Variants in TACC2 observed in about 807,000 individuals in gnomAD.
TACC2 encodes transforming acidic coiled-coil-containing protein 2.
TACC2 carries 137 observed loss-of-function variants against 227.3 expected under a neutral mutation model. The ratio of observed to expected loss-of-function variants is 0.60; its 90% CI spans 0.52 to 0.69. TACC2 has a LOEUF of 0.69. Among genes scored for constraint, TACC2 ranks in the 30% least tolerant of loss-of-function variants. The probability of loss-of-function intolerance (pLI) is 0.00; values close to 1 mark genes in which losing one functional copy is unlikely to be tolerated. For synonymous variants in TACC2, 1,523 were observed against 1,487.5 expected (o/e 1.02, Z -0.55); for missense variants, 3,470 against 3,694.4 (o/e 0.94, Z 1.57).
chr10:122,116,215 C>T (rs1035031069), intron 5 of TACC2, among the ~76,000 whole-genome samples: 2 of 152,136 alleles, frequency 1.3e-5, no homozygotes, highest in African/African-American at 4.8e-5. Context: ...TGAAATTCTC[C>T]AGGGAATGTA....
rs536406037 is a variant in TACC2 at position 122,010,939 on chromosome 10, C to A, written c.-45-10998C>A. On this transcript the variant is annotated intron_variant, in intron 1 of 22. Transcript: ENST00000369005. ...TGGTTCTCTTGGTCTCAGCTGAGAT[C>A]CCTCATGTGTCGGTGTTCAGCTGTG... Among the ~76,000 whole-genome samples, 3 of 152,314 alleles carry A rather than the reference C, an allele frequency of 2.0e-5. No homozygotes were observed. The East Asian group carries it at 5.8e-4, about 29-fold the overall frequency.
intron 11 of TACC2, among the ~76,000 whole-genome samples, chr10:122,217,452 T>C (rs2141158910): frequency 6.8e-6 from 1 of 146,534 alleles, no homozygotes; most frequent in Middle Eastern, 3.5e-3. Flanking sequence ...TTTTTTTTTT[T>C]TTTTTTGAGA....
intron 2 of TACC2, among the ~76,000 whole-genome samples, chr10:122,043,579 C>T (rs56229418): frequency 9.5e-5 from 1 of 10,536 alleles, no homozygotes; most frequent in Non-Finnish European, 2.6e-4. Flanking sequence ...TTTCTTTCTT[C>T]CTTTCTTCCT....
intron 7 of TACC2, among the ~76,000 whole-genome samples, chr10:122,159,202 G>A (rs774898767): frequency 3.3e-4 from 51 of 152,334 alleles, no homozygotes; most frequent in Non-Finnish European, 5.7e-4. Flanking sequence ...GGACCTGGCC[G>A]TGCTCCAATG....
intron 8 of TACC2, among the ~76,000 whole-genome samples, chr10:122,204,247 A>G (rs1414152771): frequency 1.3e-5 from 2 of 152,068 alleles, no homozygotes; most frequent in Non-Finnish European, 1.5e-5. Context: ...TAAAGAAAGC[A>G]CTTTTCCAGA....
rs115763605 is a variant in TACC2 at position 122,160,094 on chromosome 10, A to G, written c.5834+16388A>G. Among the ~76,000 whole-genome samples the G allele has an allele frequency of 5.2e-3, 798 of 152,362 alleles. 9 individuals carry two copies. The highest frequency in any genetic ancestry group is 0.018 in the African/African-American group (747 of 41,582). ...ATCTTTCTGGTAGGTGTCACAAAGTAATGTGAGAATAAGCTGGTTTCCACT... is the reference window on the plus strand; with the variant it reads ...ATCTTTCTGGTAGGTGTCACAAAGTGATGTGAGAATAAGCTGGTTTCCACT... On this transcript the variant is annotated intron_variant, in intron 7 of 22. Coordinates refer to ENST00000369005, the MANE Select transcript of TACC2 (RefSeq NM_206862.4).
At chr10:122,220,317 A>T (rs1477398701) in intron 11 of TACC2, among the ~76,000 whole-genome samples, 1 of 152,242 alleles carries the variant, frequency 6.6e-6, no homozygotes, top group Non-Finnish European at 1.5e-5. Context: ...AAATATGTAA[A>T]TATATGGGTT....
intron 7 of TACC2, among the ~76,000 whole-genome samples, chr10:122,193,512 G>A (rs542832242): frequency 3.9e-5 from 6 of 152,202 alleles, no homozygotes; most frequent in Non-Finnish European, 7.4e-5. Context: ...TGGGTTGCAC[G>A]GCTCGGTGAC....
chr10:122,133,068 G>A (rs191983667), intron 6 of TACC2, among the ~76,000 whole-genome samples: 2 of 152,154 alleles, frequency 1.3e-5, no homozygotes, highest in Admixed American at 1.3e-4. Flanking sequence ...TAGAGAGAAC[G>A]TGCTACTTCT....
At chr10:122,152,686 G>A (rs1390349006) in intron 7 of TACC2, among the ~76,000 whole-genome samples, 1 of 152,240 alleles carries the variant, frequency 6.6e-6, no homozygotes, top group African/African-American at 2.4e-5. Context: ...TGCCAACACA[G>A]CCTGAGACAT....
At chr10:122,027,248 A>G (rs964203176) in intron 2 of TACC2, among the ~76,000 whole-genome samples, 1 of 152,152 alleles carries the variant, frequency 6.6e-6, no homozygotes, top group African/African-American at 2.4e-5. Flanking sequence ...TGCCATCTGT[A>G]TATCTCATTT....
At chr10:122,036,543 A>C in intron 2 of TACC2, among the ~76,000 whole-genome samples, 1 of 142,126 alleles carries the variant, frequency 7.0e-6, no homozygotes, top group African/African-American at 2.6e-5. Flanking sequence ...TCTGTTACCC[A>C]GGCTGGAGTG....
At chr10:122,044,117 A>G (rs1309301707) in intron 2 of TACC2, among the ~76,000 whole-genome samples, 1 of 152,120 alleles carries the variant, frequency 6.6e-6, no homozygotes, top group African/African-American at 2.4e-5. Context: ...AAGAGTGAGG[A>G]CTCAAACCCA....
At chr10:122,147,612 T>C (rs1261344538) in intron 7 of TACC2, among the ~76,000 whole-genome samples, 1 of 152,260 alleles carries the variant, frequency 6.6e-6, no homozygotes, top group Non-Finnish European at 1.5e-5. Context: ...CTTCATTTAT[T>C]AATTGATTCA....
chr10:122,085,224 C>T lies in TACC2; in HGVS notation c.2724C>T (p.Gly908=). Residue 908 remains glycine, a synonymous_variant, in exon 4 of 23, where the codon GGC becomes GGT. Coordinates refer to ENST00000369005, the MANE Select transcript of TACC2 (RefSeq NM_206862.4). ...AACTTCAAAGTCAGCTCCCCAAAGG[C>T]ACCCTGTCTGATACTCCAACTTCAT... is the stretch of plus-strand genomic sequence containing the variant. The part of the protein sequence containing the change: ...GSELQSQLPK[G]TLSDTPTSSP... 6.2e-7 allele frequency: 1 copy of T among 1,614,088 alleles called. No homozygotes were observed.
intron 1 of TACC2, among the ~76,000 whole-genome samples, chr10:122,003,179 T>C (rs1048162642): frequency 6.6e-6 from 1 of 152,064 alleles, no homozygotes; most frequent in Non-Finnish European, 1.5e-5. Context: ...CTCCCTAGCC[T>C]AGACGACAAA....
intron 4 of TACC2, among the ~76,000 whole-genome samples, chr10:122,088,252 CTAT>C (rs1306211980): frequency 1.3e-5 from 2 of 152,022 alleles, no homozygotes; most frequent in African/African-American, 4.8e-5. Flanking sequence ...TGGCTGTGTA[CTAT>C]TAAGTGATAG....
At chr10:122,004,560 G>A (rs1954828044) in intron 1 of TACC2, among the ~76,000 whole-genome samples, 1 of 152,080 alleles carries the variant, frequency 6.6e-6, no homozygotes, top group Non-Finnish European at 1.5e-5. Context: ...ACCTAGACCA[G>A]TGACTCCTCT....
In TACC2 at chr10:122,194,670, G is replaced by A. The variant is rs187878414; in HGVS notation, c.5835-370G>A. On this transcript the variant is annotated intron_variant, in intron 7 of 22. Transcript: ENST00000369005. The surrounding 1 kb of genome is among the most constrained non-coding windows in gnomAD (Gnocchi z 4.4). Reference sequence around the variant, plus strand: ...GAGGATGATGGGGTGGGATCATGTGGGTGAGTTGGCACAATGGCATCGAAC... The same window carrying A: ...GAGGATGATGGGGTGGGATCATGTGAGTGAGTTGGCACAATGGCATCGAAC... Among the ~76,000 whole-genome samples the A allele has an allele frequency of 2.4e-3, 364 of 152,264 alleles. 1 individual carries two copies. Among genetic ancestry groups the A allele is most frequent in the African/African-American group, 8.7e-3 (360 of 41,544 alleles).
Sources: allele counts gnomAD v4.1 joint callset (sites outside exome capture counted in the v4.1 genomes callset), GRCh38; gene constraint gnomAD v4.1.1; non-coding constraint Gnocchi (gnomAD v3.1); transcripts MANE v1.5; gene names NCBI Gene and HGNC (gene_info 2026-07-23, HGNC 2026-07-21).